Variants in MTAP observed in about 807,000 individuals in gnomAD.
MTAP encodes methylthioadenosine phosphorylase.
MTAP carries 33 observed loss-of-function variants against 33.6 expected under a neutral mutation model. The observed-to-expected ratio is 0.98, with a 90% confidence interval of 0.74 to 1.31. MTAP has a LOEUF of 1.31. MTAP is among the 40% of genes most tolerant of loss of function. MTAP has a pLI of 0.00. For missense variants in MTAP, 367 were observed against 360.0 expected, an observed-to-expected ratio of 1.02 and a Z score of -0.16; for synonymous variants, 148 against 125.7, an observed-to-expected ratio of 1.18 and a Z score of -1.19.
chr9:21,826,473 G>T (rs1288464834), intron 4 of MTAP, among the ~76,000 whole-genome samples: 2 of 151,770 alleles, frequency 1.3e-5, no homozygotes, highest in Non-Finnish European at 2.9e-5. Context: ...ACTGGATTTA[G>T]TTCTGGTGGC....
intron 5 of MTAP, among the ~76,000 whole-genome samples, chr9:21,849,241 C>T (rs529514731): frequency 1.3e-5 from 2 of 152,090 alleles, no homozygotes. Context: ...CCCGTCCTTC[C>T]CCAAGGAGAC....
At chr9:21,923,801 A>C (rs1818824943) in intron 1 of MTAP, among the ~76,000 whole-genome samples, 1 of 146,536 alleles carries the variant, frequency 6.8e-6, no homozygotes, top group South Asian at 2.1e-4. Flanking sequence ...AACATGGGAA[A>C]TGGATTATAA....
intron 1 of MTAP, among the ~76,000 whole-genome samples, chr9:21,876,747 A>G (rs1475693969): frequency 6.6e-6 from 1 of 151,988 alleles, no homozygotes; most frequent in East Asian, 1.9e-4. Context: ...TACCAGTACT[A>G]TGCTGTTTTG....
chr9:21,861,114 C>T (rs1825743933), intron 7 of MTAP: 1 of 152,118 alleles, frequency 6.6e-6, no homozygotes, highest in African/African-American at 2.4e-5. Context: ...CATAGTCTTT[C>T]AAAAGCTTGA....
At chr9:21,825,422 A>G (rs1475454047) in intron 4 of MTAP, among the ~76,000 whole-genome samples, 1 of 151,970 alleles carries the variant, frequency 6.6e-6, no homozygotes, top group African/African-American at 2.4e-5. Context: ...GGTAGTTGAT[A>G]TTTTCAGTTT....
At chr9:21,857,172 C>G (rs1241537694) in intron 6 of MTAP, among the ~76,000 whole-genome samples, 2 of 152,082 alleles carry the variant, frequency 1.3e-5, no homozygotes, top group East Asian at 3.9e-4. Flanking sequence ...GGGTGAAGCC[C>G]AACAGCTGGA....
chr9:21,839,173 GT>G (rs10634119), intron 5 of MTAP, among the ~76,000 whole-genome samples: 28 of 143,770 alleles, frequency 1.9e-4, no homozygotes, highest in South Asian at 2.2e-4. Flanking sequence ...CTTTTACTTG[GT>G]TTTTTTTTTT....
intron 1 of MTAP, among the ~76,000 whole-genome samples, chr9:21,806,230 A>C (rs1400679560): frequency 6.6e-6 from 1 of 151,680 alleles, no homozygotes; most frequent in African/African-American, 2.4e-5. Context: ...CTAGGGTGGG[A>C]GCCATGGAGG....
At chr9:21,916,002 C>G (rs1429139127) in intron 1 of MTAP, among the ~76,000 whole-genome samples, 9 of 149,258 alleles carry the variant, frequency 6.0e-5, no homozygotes, top group African/African-American at 2.2e-4. Context: ...AGCACTCCAG[C>G]CTCAGTGACA....
chr9:21,818,178 T>A lies in MTAP; in HGVS notation c.323T>A (p.Val108Asp). 1 of 1,614,018 alleles carries A rather than the reference T, an allele frequency of 6.2e-7. No homozygotes were observed. The highest frequency in any genetic ancestry group is 8.5e-7 in the Non-Finnish European group (1 of 1,179,988). Residue 108 changes from valine (V) to aspartate (D), a missense_variant, in exon 4 of 8, where the codon GTC becomes GAC. Physicochemically the swap from Val to Asp is radical, Grantham distance 152. Transcript: ENST00000644715. ...GAGGAGATTCAGCCCGGCGATATTGTCATTATTGATCAGTTCATTGACAGG... is the reference window on the plus strand; with the variant it reads ...GAGGAGATTCAGCCCGGCGATATTGACATTATTGATCAGTTCATTGACAGG... ...LREEIQPGDI[V>D]IIDQFIDRTT...
exon 8 of MTAP, chr9:21,937,414 T>C (rs1449129393): frequency 6.6e-6 from 1 of 152,134 alleles, no homozygotes; most frequent in Admixed American, 6.5e-5. Context: ...AAAATGACAG[T>C]TTTCTTTTTA....
At chr9:21,918,398 C>T (rs181775795) in intron 1 of MTAP, among the ~76,000 whole-genome samples, 74 of 139,710 alleles carry the variant, frequency 5.3e-4, no homozygotes, top group African/African-American at 1.7e-3. Context: ...ACTTTGGGGG[C>T]TCGATGGGGG....
chr9:21,843,034 A>C (rs1825289834), intron 5 of MTAP, among the ~76,000 whole-genome samples: 1 of 152,222 alleles, frequency 6.6e-6, no homozygotes, highest in Non-Finnish European at 1.5e-5. Flanking sequence ...CCTAGCACAC[A>C]TGAACTCACA....
chr9:21,893,101 A>T (rs1164110880), intron 1 of MTAP: 1 of 152,208 alleles, frequency 6.6e-6, no homozygotes, highest in Non-Finnish European at 1.5e-5. Context: ...AACATACCAG[A>T]ATCTCTGGGA....
chr9:21,898,426 A>G (rs937580136), intron 1 of MTAP, among the ~76,000 whole-genome samples: 4 of 152,230 alleles, frequency 2.6e-5, no homozygotes, highest in Non-Finnish European at 4.4e-5. Flanking sequence ...AAAAGAAACT[A>G]CTATCAGAGT....
chr9:21,828,823 T>G (rs1824889922), intron 4 of MTAP, among the ~76,000 whole-genome samples: 1 of 152,248 alleles, frequency 6.6e-6, no homozygotes, highest in African/African-American at 2.4e-5. Context: ...TTTTACTTTT[T>G]CAGTGACCAC....
At chr9:21,813,984 T>A (rs1177368959) in intron 1 of MTAP, 2 of 152,250 alleles carry the variant, frequency 1.3e-5, no homozygotes, top group Non-Finnish European at 2.9e-5. Context: ...TACTGGTTAC[T>A]CTTTGTTCGT....
chr9:21,917,662 C>A (rs796662017), intron 1 of MTAP, among the ~76,000 whole-genome samples: 48 of 152,240 alleles, frequency 3.2e-4, no homozygotes, highest in African/African-American at 9.4e-4. Context: ...ATTAGTACCA[C>A]CACTATAGAA....
rs201733990 is a variant in MTAP, at chr9:21,903,316, AT to A, written c.148-27683del. Among the ~76,000 whole-genome samples the A allele has an allele frequency of 1.3e-4, 20 of 151,942 alleles. 1 individual carries two copies. The highest frequency in any genetic ancestry group is 2.0e-4 in the Admixed American group (3 of 15,234). ...GTTATCCTGAAATATATGACAAAAG[AT>A]TTTTTTTTAAAAATCTTCAGGCCCA... On this transcript the variant is annotated intron_variant, in intron 1 of 1. Coordinates refer to the MTAP transcript ENST00000577563.
Sources: gnomAD v4.1 joint callset for allele counts (sites outside exome capture counted in the v4.1 genomes callset) on GRCh38, gnomAD v4.1.1 for gene constraint, MANE v1.5 for transcripts, NCBI Gene and HGNC (gene_info 2026-07-23, HGNC 2026-07-21) for gene names.